LUZP2: variants seen among roughly 807,000 people sequenced by gnomAD.
LUZP2 encodes leucine zipper protein 2.
In LUZP2, 52 loss-of-function variants were observed where a neutral mutation model predicts 51.6. That is an observed-to-expected ratio of 1.01 (90% CI 0.81 to 1.27). The LOEUF (loss-of-function observed/expected upper bound fraction) is 1.27, where lower values mean the gene tolerates loss of function less well. Among genes scored for constraint, LUZP2 ranks in the 50% most tolerant of loss-of-function variants. The probability of loss-of-function intolerance (pLI) is 0.00; values close to 1 mark genes in which losing one functional copy is unlikely to be tolerated. For missense variants in LUZP2, 436 were observed against 395.4 expected (o/e 1.10, Z -0.87); for synonymous variants, 154 against 137.3 (o/e 1.12, Z -0.85).
chr11:24,608,222 A>G (rs934615791), intron 1 of LUZP2, among the ~76,000 whole-genome samples: 4 of 152,166 alleles, frequency 2.6e-5, no homozygotes, highest in African/African-American at 9.7e-5. Context: ...TCCTGTATTC[A>G]CCTTCCAACC....
chr11:24,542,204 C>T (rs1353925245), intron 1 of LUZP2, among the ~76,000 whole-genome samples: 11 of 151,950 alleles, frequency 7.2e-5, no homozygotes, highest in Non-Finnish European at 1.5e-5. Flanking sequence ...TGAGATACAG[C>T]AAAGGAACTA....
At chr11:24,962,632 T>A (rs1049021519) in intron 7 of LUZP2, among the ~76,000 whole-genome samples, 5 of 152,236 alleles carry the variant, frequency 3.3e-5, no homozygotes, top group African/African-American at 1.2e-4. Context: ...CTTTAGGCAC[T>A]TCTCTGTATT....
chr11:24,568,504 A>G (rs1852323128), intron 1 of LUZP2, among the ~76,000 whole-genome samples: 1 of 152,056 alleles, frequency 6.6e-6, no homozygotes, highest in Admixed American at 6.6e-5. Flanking sequence ...AAAAACATGT[A>G]TGCATCTAAA....
At chr11:24,546,954 TTGTTGTTGTTGGTGGTGGTGG>T (rs752924241) in intron 1 of LUZP2, among the ~76,000 whole-genome samples, 1 of 125,684 alleles carries the variant, frequency 8.0e-6, no homozygotes, top group Admixed American at 8.1e-5. Context: ...GTTGTTGTTG[TTGTTGTTGTTGGTGGTGGTGG>T]TGGTGGTGGT....
At chr11:24,739,862 G>A (rs927339593) in intron 4 of LUZP2, among the ~76,000 whole-genome samples, 1 of 152,096 alleles carries the variant, frequency 6.6e-6, no homozygotes, top group Non-Finnish European at 1.5e-5. Flanking sequence ...GGACGGGCAT[G>A]TGGGTTCATT....
chr11:24,947,317 A>T (rs1241050087), intron 7 of LUZP2, among the ~76,000 whole-genome samples: 1 of 151,916 alleles, frequency 6.6e-6, no homozygotes, highest in East Asian at 1.9e-4. Context: ...TACTATGAGG[A>T]GGTGGAGGAT....
intron 1 of LUZP2, among the ~76,000 whole-genome samples, chr11:24,702,120 A>G (rs1282882556): frequency 2.0e-5 from 3 of 152,212 alleles, no homozygotes; most frequent in Non-Finnish European, 2.9e-5. Context: ...TGTAGTGTAT[A>G]CACTATTCAA....
intron 5 of LUZP2, among the ~76,000 whole-genome samples, chr11:24,807,647 G>T (rs749932160): frequency 4.6e-5 from 7 of 152,150 alleles, no homozygotes; most frequent in Non-Finnish European, 7.4e-5. Context: ...TGAATTGGGG[G>T]TGTGTGGAGA....
chr11:24,892,537 A>G (rs1307108498), intron 5 of LUZP2: 1 of 536,010 alleles, frequency 1.9e-6, no homozygotes, highest in Non-Finnish European at 2.4e-6. Context: ...TAATGTTTCT[A>G]TTCTCCATAA....
At chr11:24,849,198 G>C (rs1851306137) in intron 5 of LUZP2, among the ~76,000 whole-genome samples, 1 of 152,000 alleles carries the variant, frequency 6.6e-6, no homozygotes, top group African/African-American at 2.4e-5. Context: ...TGTTACATAG[G>C]TATACACCTA....
chr11:24,560,134 A>G (rs1851989800), intron 1 of LUZP2, among the ~76,000 whole-genome samples: 1 of 152,176 alleles, frequency 6.6e-6, no homozygotes, highest in South Asian at 2.1e-4. Context: ...GATTAAGGCT[A>G]TGCAGACAGT....
chr11:24,737,501 T>TAA lies in LUZP2; in HGVS notation c.252-712_252-711dup, dbSNP rs74313884. The stretch of plus-strand genomic sequence containing the variant: ...GATCTATTTGAGGTGATAGCTCGAG[T>TAA]AAAAAAAAATCAAGGCACAGAAAGA... On this transcript the variant is annotated intron_variant, in intron 3 of 11. Coordinates refer to ENST00000336930, the MANE Select transcript of LUZP2 (RefSeq NM_001009909.4). Among the ~76,000 whole-genome samples the TAA allele has an allele frequency of 3.8e-3, 576 of 150,356 alleles. 4 individuals carry two copies. Among genetic ancestry groups the TAA allele is most frequent in the African/African-American group, 0.013 (551 of 41,074 alleles).
intron 9 of LUZP2, among the ~76,000 whole-genome samples, chr11:25,009,727 C>T (rs1275039951): frequency 6.6e-6 from 1 of 152,058 alleles, no homozygotes; most frequent in Non-Finnish European, 1.5e-5. Context: ...ACATTCTTTA[C>T]ATTTAAGAGT....
At chr11:24,970,984 T>G (rs907869753) in intron 7 of LUZP2, among the ~76,000 whole-genome samples, 6 of 152,200 alleles carry the variant, frequency 3.9e-5, no homozygotes, top group African/African-American at 1.2e-4. Context: ...AATGAAATTA[T>G]GTCCTTTGCA....
chr11:24,910,864 T>TG (rs1590719012), intron 6 of LUZP2, among the ~76,000 whole-genome samples: 1 of 151,972 alleles, frequency 6.6e-6, no homozygotes, highest in African/African-American at 2.4e-5. Context: ...ACCGACAACT[T>TG]GCACCGTGCA....
chr11:24,705,080 T>A (rs1405417126), intron 1 of LUZP2, among the ~76,000 whole-genome samples: 1 of 152,176 alleles, frequency 6.6e-6, no homozygotes, highest in East Asian at 1.9e-4. Flanking sequence ...TGGGGTATTT[T>A]TTTTTCATTC....
In LUZP2 at chr11:24,863,215, G is replaced by T. The variant is rs1433461513; in HGVS notation, c.397-42776G>T. Among the ~76,000 whole-genome samples the T allele has an allele frequency of 7.2e-5, 11 of 152,096 alleles. 1 individual carries two copies. The highest frequency in any genetic ancestry group is 6.5e-4 in the Admixed American group (10 of 15,272). Reference sequence around the variant, plus strand: ...TCTATTCCTAAATATGTATGCAAAAGAAATCAAAACCCATTTTCATACCAA... The same window carrying T: ...TCTATTCCTAAATATGTATGCAAAATAAATCAAAACCCATTTTCATACCAA... On this transcript the variant is annotated intron_variant, in intron 5 of 11. Coordinates refer to ENST00000336930, the MANE Select transcript of LUZP2 (RefSeq NM_001009909.4).
intron 5 of LUZP2, among the ~76,000 whole-genome samples, chr11:24,802,709 T>C (rs1170393953): frequency 6.6e-6 from 1 of 151,972 alleles, no homozygotes; most frequent in Non-Finnish European, 1.5e-5. Context: ...GTCTCTATGA[T>C]TTTGACTGTT....
intron 1 of LUZP2, among the ~76,000 whole-genome samples, chr11:24,676,572 T>C (rs2133860106): frequency 6.6e-6 from 1 of 152,320 alleles, no homozygotes; most frequent in African/African-American, 2.4e-5. Flanking sequence ...TTTTACTTAA[T>C]GCAGAAATGG....
Sources: allele counts gnomAD v4.1 joint callset (sites outside exome capture counted in the v4.1 genomes callset), GRCh38; gene constraint gnomAD v4.1.1; transcripts MANE v1.5; gene names NCBI Gene and HGNC (gene_info 2026-07-23, HGNC 2026-07-21).